The following SUFU variants were observed in gnomAD, a reference collection of about 807,000 sequenced individuals.
SUFU encodes the protein suppressor of fused homolog.
SUFU carries 7 observed loss-of-function variants against 58.9 expected under a neutral mutation model. The ratio of observed to expected loss-of-function variants is 0.12; its 90% CI spans 0.07 to 0.22. The LOEUF (loss-of-function observed/expected upper bound fraction) is 0.22. Ranked by LOEUF, SUFU falls within the 10% of genes least tolerant of loss-of-function variation. The pLI is 1.00. For missense variants in SUFU, 451 were observed against 641.3 expected (o/e 0.70, Z 3.20); for synonymous variants, 232 against 254.8 (o/e 0.91, Z 0.85).
At chr10:102,519,091 A>C (rs1287624599) in intron 2 of SUFU, among the ~76,000 whole-genome samples, 1 of 147,640 alleles carries the variant, frequency 6.8e-6, no homozygotes, top group Non-Finnish European at 1.5e-5. Context: ...CAGTGAGTGG[A>C]GATGCGCCAC....
intron 10 of SUFU, among the ~76,000 whole-genome samples, chr10:102,621,245 T>C (rs2063737901): frequency 6.6e-6 from 1 of 152,216 alleles, no homozygotes; most frequent in African/African-American, 2.4e-5. Context: ...GGCATACTTA[T>C]TCTCCCTGGA....
chr10:102,594,036 A>T lies in SUFU; in HGVS notation c.727A>T (p.Thr243Ser), dbSNP rs762294261. 1 of 1,613,262 alleles carries T rather than the reference A, an allele frequency of 6.2e-7. No individual in the cohort carries two copies. The highest frequency in any genetic ancestry group is 8.5e-7 in the Non-Finnish European group (1 of 1,179,750). ...GATAACTGACATGCGGAGGGGAGAG[A>T]CCATATTTGAGATCGATCCACACCT... ...WLITDMRRGE[T>S]IFEIDPHLQE... The change falls in exon 6 of 12, where the codon ACC (threonine) becomes TCC (serine). Residue 243 changes from threonine (T) to serine (S), a missense_variant. Transcript: ENST00000369902.
At chr10:102,572,442 T>G (rs2063172081) in intron 3 of SUFU, among the ~76,000 whole-genome samples, 1 of 142,598 alleles carries the variant, frequency 7.0e-6, no homozygotes, top group Non-Finnish European at 1.5e-5. Context: ...CAGGTTGGAG[T>G]GTAGTGGCGC....
chr10:102,546,099 T>C (rs1254067375), intron 2 of SUFU, among the ~76,000 whole-genome samples: 1 of 152,230 alleles, frequency 6.6e-6, no homozygotes, highest in Non-Finnish European at 1.5e-5. Flanking sequence ...TGAGTTCTGA[T>C]GGTCAGGCTG....
chr10:102,592,978 C>T (rs1052363198), intron 4 of SUFU, among the ~76,000 whole-genome samples: 4 of 152,080 alleles, frequency 2.6e-5, no homozygotes, highest in Non-Finnish European at 2.9e-5. Flanking sequence ...AATGGGGTGG[C>T]GGGTATTCTT....
At chr10:102,551,223 C>T (rs1278688087) in intron 3 of SUFU, among the ~76,000 whole-genome samples, 1 of 152,186 alleles carries the variant, frequency 6.6e-6, no homozygotes, top group Non-Finnish European at 1.5e-5. Flanking sequence ...ATGGAGGCTA[C>T]AATGGGTCTT....
At chr10:102,524,658 C>T (rs868360143) in intron 2 of SUFU, among the ~76,000 whole-genome samples, 9 of 152,254 alleles carry the variant, frequency 5.9e-5, no homozygotes, top group Non-Finnish European at 1.0e-4. Context: ...TCTGCGATGT[C>T]TATTATGCTT....
In SUFU at chr10:102,518,715, T is replaced by A. The variant is rs1301054634; in HGVS notation, c.317+9412T>A. 3.9e-5 allele frequency among the ~76,000 whole-genome samples: 6 copies of A among 151,938 alleles called. No individual in the cohort carries two copies. The East Asian group carries it at 1.2e-3, about 30-fold the overall frequency. On this transcript the variant is annotated intron_variant, in intron 2 of 11. Coordinates refer to ENST00000369902, the MANE Select transcript of SUFU (RefSeq NM_016169.4). ...GCATGCACCATCATGCCTGGCTAAT[T>A]TTTATACTTTTTGTAGAGATTGGGT...
rs36020604 is a variant in SUFU at position 102,520,212 on chromosome 10, C to CTT, written c.317+10930_317+10931dup. Among the ~76,000 whole-genome samples the CTT allele has an allele frequency of 1.9e-3, 219 of 113,466 alleles. 1 individual carries two copies. The highest frequency in any genetic ancestry group is 4.4e-3 in the East Asian group (18 of 4,048). 74.4% of individuals were successfully genotyped at this position (113,466 alleles called of 152,430 possible). On this transcript the variant is annotated intron_variant, in intron 2 of 11. Transcript: ENST00000369902. ...TGTGTTGTACAGTTCTTTTTTCTTT[C>CTT]TTTTTTTTTTTTTTTTTTTTTTGAG...
At chr10:102,600,128 G>A (rs1461605716) in intron 8 of SUFU, among the ~76,000 whole-genome samples, 6 of 152,150 alleles carry the variant, frequency 3.9e-5, no homozygotes, top group African/African-American at 9.7e-5. Flanking sequence ...GGTCAGATCC[G>A]CTTCCTGCCA....
chr10:102,568,933 T>C lies in SUFU; in HGVS notation c.454+18827T>C, dbSNP rs59569656. Among the ~76,000 whole-genome samples, 232 of 35,016 alleles carry C rather than the reference T, an allele frequency of 6.6e-3. 2 individuals are homozygous for C. The highest frequency in any genetic ancestry group is 0.015 in the African/African-American group (151 of 10,080). The allele number at this position is 35,016 out of a possible 152,430, so 23.0% of individuals were successfully genotyped here. On this transcript the variant is annotated intron_variant, in intron 3 of 11. Transcript: ENST00000369902. ...ATATATATATATACACATATATATA[T>C]ATATATATATATATATATATATATA...
intron 3 of SUFU, among the ~76,000 whole-genome samples, chr10:102,552,187 C>T (rs563473489): frequency 6.6e-6 from 1 of 152,076 alleles, no homozygotes; most frequent in Non-Finnish European, 1.5e-5. Flanking sequence ...TGTCAATGCT[C>T]TAATCCCAGC....
intron 2 of SUFU, 91 bp downstream of exon 2, chr10:102,509,394 T>G (rs2062371933): frequency 1.3e-6 from 2 of 1,556,792 alleles, no homozygotes; most frequent in Non-Finnish European, 1.8e-6. Context: ...GTGAGCATGG[T>G]ACTTCTCCGT....
intron 2 of SUFU, among the ~76,000 whole-genome samples, chr10:102,527,203 C>G (rs936784534): frequency 6.6e-6 from 1 of 151,774 alleles, no homozygotes; most frequent in Admixed American, 6.6e-5. Flanking sequence ...AGGGTTTCAC[C>G]GTGTTAGCCA....
At chr10:102,534,340 T>C (rs1320241038) in intron 2 of SUFU, among the ~76,000 whole-genome samples, 2 of 152,124 alleles carry the variant, frequency 1.3e-5, no homozygotes, top group Admixed American at 6.5e-5. Flanking sequence ...GGCAGGAGAA[T>C]GGCGTGAACC....
chr10:102,528,017 G>T (rs927752305), intron 2 of SUFU, among the ~76,000 whole-genome samples: 2 of 152,154 alleles, frequency 1.3e-5, no homozygotes, highest in Non-Finnish European at 2.9e-5. Flanking sequence ...TAAAGGTGTT[G>T]CTTTAAGCCA....
intron 1 of SUFU, 111 bp downstream of exon 1, chr10:102,504,445 A>C: frequency 6.5e-7 from 1 of 1,531,920 alleles, no homozygotes; most frequent in Non-Finnish European, 8.8e-7. Context: ...TGGTTAAAGC[A>C]CTCAGAAGGA....
intron 8 of SUFU, among the ~76,000 whole-genome samples, chr10:102,601,558 C>T (rs979682036): frequency 2.0e-5 from 3 of 152,176 alleles, no homozygotes; most frequent in South Asian, 4.1e-4. Context: ...TAGAATGTTT[C>T]CTCTGAGGCT....
intron 2 of SUFU, among the ~76,000 whole-genome samples, chr10:102,513,262 T>C (rs569825652): frequency 1.3e-5 from 2 of 152,332 alleles, no homozygotes; most frequent in Non-Finnish European, 2.9e-5. Context: ...TACTCAAAGC[T>C]AGGCCAGAAA....
Sources: allele counts gnomAD v4.1 joint callset (sites outside exome capture counted in the v4.1 genomes callset), GRCh38; gene constraint gnomAD v4.1.1; transcripts MANE v1.5; gene names NCBI Gene and HGNC (gene_info 2026-07-23, HGNC 2026-07-21).